TSPAN9: variants seen among roughly 807,000 people sequenced by gnomAD.
The protein encoded by TSPAN9 is tetraspanin 9, also known as tetraspanin-9.
TSPAN9 carries 16 observed loss-of-function variants against 31.0 expected under a neutral mutation model. The observed-to-expected ratio is 0.52, with a 90% CI of 0.35 to 0.78. The LOEUF (loss-of-function observed/expected upper bound fraction) is 0.78. Ranked by LOEUF, TSPAN9 falls within the 30% of genes least tolerant of loss-of-function variation. The pLI is 0.01. For synonymous variants in TSPAN9, 145 were observed against 121.6 expected (o/e 1.19, Z -1.27); for missense variants, 272 against 312.5 (o/e 0.87, Z 0.98).
At chr12:3,171,217 G>GAT (rs2098351667) in intron 2 of TSPAN9, among the ~76,000 whole-genome samples, 1 of 152,092 alleles carries the variant, frequency 6.6e-6, no homozygotes, top group Admixed American at 6.5e-5. Flanking sequence ...CGTAGCATAT[G>GAT]ATATATATAT....
At chr12:3,244,119 T>C (rs1037277132) in intron 3 of TSPAN9, among the ~76,000 whole-genome samples, 7 of 152,206 alleles carry the variant, frequency 4.6e-5, no homozygotes, top group African/African-American at 1.7e-4. Flanking sequence ...TCCAGGGTGA[T>C]GGGTGCTTAA....
At position 3,118,260 on chromosome 12, in the gene TSPAN9, T is replaced by TTTTTTTTTTTTTTTTTTTTTG. The variant is rs2098323442; in HGVS notation, c.-18+34542_-18+34562dup. On this transcript the variant is annotated intron_variant, in intron 2 of 8. Coordinates refer to ENST00000011898, the MANE Select transcript of TSPAN9 (RefSeq NM_006675.5). ...CGCACCGCCCCTGCACCCGCCGTTT[T>TTTTTTTTTTTTTTTTTTTTTG]TTTTTTTTTTTTTTTTTTTTGAGAT... 2.8e-5 allele frequency among the ~76,000 whole-genome samples: 2 copies of TTTTTTTTTTTTTTTTTTTTTG among 71,288 alleles called. 1 individual carries two copies. The highest frequency in any genetic ancestry group is 4.9e-5 in the Non-Finnish European group (2 of 40,494). 46.8% of individuals were successfully genotyped at this position (71,288 alleles called of 152,430 possible).
chr12:3,247,545 A>G (rs1009496865), intron 3 of TSPAN9, among the ~76,000 whole-genome samples: 1 of 152,208 alleles, frequency 6.6e-6, no homozygotes, highest in Admixed American at 6.5e-5. Context: ...ACACCTTAAG[A>G]GAAATGGAGT....
At chr12:3,164,565 G>A (rs2098347274) in intron 2 of TSPAN9, among the ~76,000 whole-genome samples, 1 of 152,246 alleles carries the variant, frequency 6.6e-6, no homozygotes, top group African/African-American at 2.4e-5. Flanking sequence ...GGCCTGCGAG[G>A]GGAGATTGAC....
At chr12:3,129,832 G>A (rs1010135382) in intron 2 of TSPAN9, among the ~76,000 whole-genome samples, 2 of 152,160 alleles carry the variant, frequency 1.3e-5, no homozygotes, top group Non-Finnish European at 2.9e-5. Flanking sequence ...GTGGAGTGGC[G>A]TCCCTGGGGC....
chr12:3,282,384 C>T (rs1862912342), intron 8 of TSPAN9, among the ~76,000 whole-genome samples: 1 of 152,138 alleles, frequency 6.6e-6, no homozygotes, highest in Non-Finnish European at 1.5e-5. Context: ...AGAGGCTTGA[C>T]AGGAGTCCTT....
At chr12:3,175,257 G>A (rs1180411139) in intron 2 of TSPAN9, among the ~76,000 whole-genome samples, 1 of 152,276 alleles carries the variant, frequency 6.6e-6, no homozygotes, top group South Asian at 2.1e-4. Flanking sequence ...GCACGAGAGC[G>A]GTCAGTCTTC....
intron 3 of TSPAN9, among the ~76,000 whole-genome samples, chr12:3,236,696 C>G (rs1176579666): frequency 6.6e-6 from 1 of 152,142 alleles, no homozygotes; most frequent in Non-Finnish European, 1.5e-5. Context: ...TCTGTGCTTC[C>G]CAGCCTTTGT....
intron 3 of TSPAN9, among the ~76,000 whole-genome samples, chr12:3,233,764 A>G (rs1246621576): frequency 2.0e-5 from 3 of 152,242 alleles, no homozygotes; most frequent in African/African-American, 4.8e-5. Flanking sequence ...TATGGCATAC[A>G]CTGGTGAAAT....
intron 2 of TSPAN9, among the ~76,000 whole-genome samples, chr12:3,117,516 G>A (rs766316760): frequency 2.0e-5 from 3 of 151,992 alleles, no homozygotes; most frequent in African/African-American, 4.8e-5. Context: ...GCTGCTGCCC[G>A]TGGGGTAAAA....
intron 3 of TSPAN9, among the ~76,000 whole-genome samples, chr12:3,266,829 A>C (rs1467282569): frequency 6.6e-6 from 1 of 152,194 alleles, no homozygotes; most frequent in Non-Finnish European, 1.5e-5. Context: ...TGGGCACAGG[A>C]TCCCCAGGGA....
At chr12:3,184,847 G>A (rs2098360351) in intron 2 of TSPAN9, among the ~76,000 whole-genome samples, 2 of 152,184 alleles carry the variant, frequency 1.3e-5, no homozygotes, top group Admixed American at 6.5e-5. Context: ...GTTGGAACAG[G>A]GCCTCTGTGT....
chr12:3,257,348 C>T (rs1267886971), intron 3 of TSPAN9, among the ~76,000 whole-genome samples: 1 of 152,024 alleles, frequency 6.6e-6, no homozygotes, highest in Non-Finnish European at 1.5e-5. Context: ...CCCATTTCCT[C>T]CCAAGTGGAG....
At chr12:3,093,107 G>A (rs2098305743) in intron 2 of TSPAN9, among the ~76,000 whole-genome samples, 2 of 152,198 alleles carry the variant, frequency 1.3e-5, no homozygotes, top group African/African-American at 4.8e-5. Context: ...GAAAGCTTTT[G>A]GGGCCGCTGG....
At chr12:3,245,439 G>A (rs1230546875) in intron 3 of TSPAN9, among the ~76,000 whole-genome samples, 1 of 152,178 alleles carries the variant, frequency 6.6e-6, no homozygotes, top group Non-Finnish European at 1.5e-5. Flanking sequence ...CCCCTTTTGT[G>A]TGCTGCAAAG....
intron 2 of TSPAN9, among the ~76,000 whole-genome samples, chr12:3,163,163 G>T (rs1185412635): frequency 6.6e-6 from 1 of 152,182 alleles, no homozygotes; most frequent in East Asian, 1.9e-4. Flanking sequence ...AATAGTGGTT[G>T]AATGAATGAA....
chr12:3,216,604 A>G (rs1164942748), intron 3 of TSPAN9, among the ~76,000 whole-genome samples: 1 of 152,236 alleles, frequency 6.6e-6, no homozygotes, highest in Non-Finnish European at 1.5e-5. Context: ...CCCACTGGGC[A>G]CAGGGCCTGC....
chr12:3,220,305 G>T (rs897424554), intron 3 of TSPAN9, among the ~76,000 whole-genome samples: 1 of 152,104 alleles, frequency 6.6e-6, no homozygotes, highest in African/African-American at 2.4e-5. Context: ...AAAGACTTCC[G>T]TGCTCTTAAC....
chr12:3,129,740 G>C (rs2153966855), intron 2 of TSPAN9, among the ~76,000 whole-genome samples: 1 of 152,318 alleles, frequency 6.6e-6, no homozygotes, highest in Middle Eastern at 3.4e-3. Flanking sequence ...TAAGAGCTCA[G>C]CTTCCTTTCA....
Sources: allele counts gnomAD v4.1 joint callset (sites outside exome capture counted in the v4.1 genomes callset), GRCh38; gene constraint gnomAD v4.1.1; transcripts MANE v1.5; gene names NCBI Gene and HGNC (gene_info 2026-07-23, HGNC 2026-07-21).